ZNF143: variants seen among roughly 807,000 people sequenced by gnomAD.
ZNF143 encodes the protein zinc finger protein 143, also known as SPH-binding factor.
Under a neutral mutation model 74.1 loss-of-function variants are expected in ZNF143, and 49 were observed. That is an observed-to-expected ratio of 0.66 (90% CI 0.53 to 0.84). The LOEUF (loss-of-function observed/expected upper bound fraction) is 0.84. Among genes scored for constraint, ZNF143 ranks in the 40% least tolerant of loss-of-function variants. ZNF143 has a pLI of 0.00. For missense variants in ZNF143, 637 were observed against 793.4 expected (o/e 0.80, Z 2.37); for synonymous variants, 304 against 282.8 (o/e 1.07, Z -0.75).
At chr11:9,514,186 C>G (rs1181251811) in intron 13 of ZNF143, among the ~76,000 whole-genome samples, 2 of 152,222 alleles carry the variant, frequency 1.3e-5, no homozygotes, top group African/African-American at 4.8e-5. Flanking sequence ...GCATAAGCCA[C>G]CATAATTCTA....
intron 5 of ZNF143, among the ~76,000 whole-genome samples, chr11:9,476,744 A>ATGTT (rs1465968655): frequency 2.2e-5 from 1 of 45,988 alleles, no homozygotes; most frequent in Non-Finnish European, 5.1e-5. Flanking sequence ...AAAGGGAGGA[A>ATGTT]TCTTTTTTTT....
At chr11:9,487,750 A>T (rs1032749894) in intron 7 of ZNF143, among the ~76,000 whole-genome samples, 12 of 152,228 alleles carry the variant, frequency 7.9e-5, no homozygotes, top group Admixed American at 4.6e-4. Context: ...TTAGTATTTC[A>T]CTGGTGTTAG....
intron 8 of ZNF143, 144 bp downstream of exon 8, chr11:9,494,909 T>C (rs1847907697): frequency 2.3e-6 from 2 of 861,722 alleles, no homozygotes; most frequent in Non-Finnish European, 3.5e-6. Context: ...TACACAGACA[T>C]GTAAAAACCT....
intron 1 of ZNF143, among the ~76,000 whole-genome samples, chr11:9,466,763 T>C (rs1856246631): frequency 6.6e-6 from 1 of 152,062 alleles, no homozygotes. Flanking sequence ...TTTAATGGTC[T>C]ACAAAACACA....
At chr11:9,514,670 G>A (rs1848662866) in intron 13 of ZNF143, among the ~76,000 whole-genome samples, 1 of 152,250 alleles carries the variant, frequency 6.6e-6, no homozygotes, top group South Asian at 2.1e-4. Context: ...ACTCACCAGA[G>A]AGTGAAGGGA....
chr11:9,485,861 G>A (rs1847452617), intron 7 of ZNF143, among the ~76,000 whole-genome samples: 1 of 151,336 alleles, frequency 6.6e-6, no homozygotes, highest in South Asian at 2.1e-4. Context: ...ATGTGCATTA[G>A]GCCGTTACAG....
At chr11:9,493,281 AG>A (rs1276146986) in intron 7 of ZNF143, among the ~76,000 whole-genome samples, 2 of 152,048 alleles carry the variant, frequency 1.3e-5, no homozygotes, top group Non-Finnish European at 2.9e-5. Context: ...CATGTTAGCC[AG>A]GATGGTCTCG....
intron 3 of ZNF143, among the ~76,000 whole-genome samples, chr11:9,473,095 G>A (rs1389627428): frequency 6.6e-6 from 1 of 151,888 alleles, no homozygotes; most frequent in Admixed American, 6.6e-5. Flanking sequence ...ACCTGTAAGA[G>A]TAAAGACATT....
chr11:9,473,143 C>T (rs1050194982), intron 3 of ZNF143, among the ~76,000 whole-genome samples: 6 of 152,000 alleles, frequency 3.9e-5, no homozygotes, highest in East Asian at 1.9e-4. Context: ...GTAATCCCAA[C>T]GCTTTGGAAG....
chr11:9,500,961 G>T, intron 10 of ZNF143, 130 bp from the exon 11 acceptor site: 2 of 1,075,692 alleles, frequency 1.9e-6, no homozygotes, highest in Non-Finnish European at 2.7e-6. Context: ...CCAAAAAAAT[G>T]CCTGAAAGGG....
rs534626666 is a variant in ZNF143, at chr11:9,495,561, G to A, written c.766-742G>A. ...TGTTAAAGAACTTTCAATGTGTCAC[G>A]AAGTATGCACTTAGCATATCTGGAG... On this transcript the variant is annotated intron_variant, in intron 8 of 15. Transcript: ENST00000396602. Among the ~76,000 whole-genome samples the A allele has an allele frequency of 2.6e-5, 4 of 152,318 alleles. 1 individual carries two copies. Among genetic ancestry groups the A allele is most frequent in the African/African-American group, 7.2e-5 (3 of 41,568 alleles).
chr11:9,526,076 T>C (rs1849115980), intron 15 of ZNF143, among the ~76,000 whole-genome samples: 2 of 151,994 alleles, frequency 1.3e-5, no homozygotes, highest in African/African-American at 4.8e-5. Context: ...CCCAGGAGAT[T>C]TGAGGCTGCA....
intron 14 of ZNF143, among the ~76,000 whole-genome samples, chr11:9,521,711 G>C (rs1379872349): frequency 1.3e-5 from 2 of 151,808 alleles, no homozygotes; most frequent in East Asian, 1.9e-4. Flanking sequence ...TTTCATCTAA[G>C]TTTTCATATT....
At chr11:9,491,758 T>G (rs1847788252) in intron 7 of ZNF143, among the ~76,000 whole-genome samples, 2 of 152,110 alleles carry the variant, frequency 1.3e-5, no homozygotes, top group African/African-American at 4.8e-5. Context: ...GTCCTCTGAG[T>G]AGCTGGAACT....
chr11:9,519,493 A>C (rs772701624), intron 14 of ZNF143, among the ~76,000 whole-genome samples: 1 of 151,956 alleles, frequency 6.6e-6, no homozygotes, highest in Non-Finnish European at 1.5e-5. Flanking sequence ...CACAGTATGA[A>C]CTCTTTTGTG....
chr11:9,475,934 G>A (rs1405741740), intron 5 of ZNF143, among the ~76,000 whole-genome samples: 5 of 151,450 alleles, frequency 3.3e-5, no homozygotes, highest in African/African-American at 9.7e-5. Flanking sequence ...GTGTGTGTGT[G>A]TGTGTGTGTG....
intron 5 of ZNF143, among the ~76,000 whole-genome samples, chr11:9,477,523 G>A (rs1590525957): frequency 6.6e-6 from 1 of 152,162 alleles, no homozygotes; most frequent in African/African-American, 2.4e-5. Context: ...CCAAAGTGTT[G>A]GGATTACAGG....
At position 9,527,586 on chromosome 11, in the gene ZNF143, A is replaced by G. The variant is rs1273350687; in HGVS notation, c.1890A>G (p.Gln630=). The G allele has an allele frequency of 6.2e-7, 1 of 1,613,876 alleles. No individual in the cohort carries two copies. The highest frequency in any genetic ancestry group is 1.3e-5 in the African/African-American group (1 of 75,038). ...EAIRIASRIQ[Q]GETPGLDD ...TCAGAATAGCGTCTAGAATCCAACA[A>G]GGAGAAACGCCAGGGTTGGATGATT... The change falls in exon 16 of 16, where the codon CAA becomes CAG. Residue 630 remains glutamine (Q), a synonymous_variant. Transcript: ENST00000396602.
chr11:9,492,361 C>T (rs887962417), intron 7 of ZNF143, among the ~76,000 whole-genome samples: 1 of 152,088 alleles, frequency 6.6e-6, no homozygotes, highest in East Asian at 1.9e-4. Context: ...GATCCACCCA[C>T]CTTGGCCTCC....
Sources: gnomAD v4.1 joint callset for allele counts (sites outside exome capture counted in the v4.1 genomes callset) on GRCh38, gnomAD v4.1.1 for gene constraint, MANE v1.5 for transcripts, NCBI Gene and HGNC (gene_info 2026-07-23, HGNC 2026-07-21) for gene names.